Variants in CYP26C1 observed in about 807,000 individuals in gnomAD.
The protein encoded by CYP26C1 is cytochrome P450 family 26 subfamily C member 1.
A neutral mutation model predicts 39.1 loss-of-function variants in CYP26C1; 41 were observed. That is an observed-to-expected ratio of 1.05 (90% CI 0.82 to 1.36). CYP26C1 has a LOEUF of 1.36. Among genes scored for constraint, CYP26C1 ranks in the 40% most tolerant of loss-of-function variants. CYP26C1 has a pLI of 0.00. For synonymous variants in CYP26C1, 362 were observed against 350.8 expected, an observed-to-expected ratio of 1.03 and a Z score of -0.36; for missense variants, 833 against 752.0, an observed-to-expected ratio of 1.11 and a Z score of -1.26.
At position 93,061,447 on chromosome 10, in the gene CYP26C1, A is replaced by T. The variant is rs142943213; in HGVS notation, c.184A>T (p.Thr62Ser). The T allele has an allele frequency of 4.3e-4, 660 of 1,552,360 alleles. 4 individuals carry two copies. The African/African-American group carries it at 7.7e-3, about 18-fold the overall frequency. The change falls in exon 1 of 6, where the codon ACG becomes TCG. Residue 62 changes from threonine (T) to serine (S), a missense_variant. By Grantham distance (58) the Thr-to-Ser change is moderately conservative. Transcript: ENST00000651965. ...CATGGGGTGGCCCTTCTTCGGCGAAACGCTGCACTGGTTAGTTCAGGTGAG... is the reference window on the plus strand; with the variant it reads ...CATGGGGTGGCCCTTCTTCGGCGAATCGCTGCACTGGTTAGTTCAGGTGAG... ...GSMGWPFFGE[T>S]LHWLVQGSRF...
rs888470791 is a variant in CYP26C1 at position 93,064,382 on chromosome 10, G to T, written c.707G>T (p.Gly236Val). ...CTTTCTTCTCTCCCTGAACATCAGG[G>T]CATCCGGGCAAGGGACCAGCTGCAT... Reference protein sequence around the residue: ...LDVPFSGLRKGIRARDQLHRH... With the variant: ...LDVPFSGLRKVIRARDQLHRH... Residue 236 changes from glycine (G) to valine (V), a missense_variant and splice_region_variant, in exon 4 of 6, where the codon GGC (glycine) becomes GTC (valine). Coordinates refer to ENST00000651965, the MANE Select transcript of CYP26C1 (RefSeq NM_183374.3). The T allele has an allele frequency of 1.1e-5, 17 of 1,613,038 alleles. No homozygotes were observed. The highest frequency in any genetic ancestry group is 1.4e-5 in the Non-Finnish European group (17 of 1,179,446).
In CYP26C1 at chr10:93,068,402, CCGA is replaced by C. The variant is rs1846854888; in HGVS notation, c.1275_1277del (p.Glu426del). ...ACGGCTGCGGTGTACCGCAGCCCTCCCGAAGGCTTCGATCCAGAGCGCTTCGGC... is the reference window on the plus strand; with the variant it reads ...ACGGCTGCGGTGTACCGCAGCCCTCCAGGCTTCGATCCAGAGCGCTTCGGC... On this transcript the variant is annotated inframe_deletion, in exon 6 of 6. Transcript: ENST00000651965. The C allele has an allele frequency of 3.7e-6, 6 of 1,609,722 alleles. No homozygotes were observed. Among genetic ancestry groups the C allele is most frequent in the Non-Finnish European group, 5.1e-6 (6 of 1,178,638 alleles).
Position 93,061,243 on chromosome 10 carries a change from C to G in CYP26C1, c.-21C>G. The G allele has an allele frequency of 6.5e-7, 1 of 1,550,050 alleles. No homozygotes were observed. The highest frequency in any genetic ancestry group is 1.2e-5 in the South Asian group (1 of 84,488). ...CCTGCTCTCCCTGCGCTCTGAGCGG[C>G]CTGGCCCCCGCGGGCTCATCATGTT... On this transcript the variant is annotated 5_prime_UTR_variant, in exon 1 of 6. Transcript: ENST00000651965.
chr10:93,061,486 C>T lies in CYP26C1; in HGVS notation c.204+19C>T, dbSNP rs1846748437. Reference sequence around the variant, plus strand: ...AGTTCAGGTGAGCAGTCCTTCGACCCCGAGCGCTAATACGGTCCCTTCTTC... The same window carrying T: ...AGTTCAGGTGAGCAGTCCTTCGACCTCGAGCGCTAATACGGTCCCTTCTTC... On this transcript the variant is annotated intron_variant, in intron 1 of 5. Transcript: ENST00000651965. 2 of 1,548,704 alleles carry T rather than the reference C, an allele frequency of 1.3e-6. No individual in the cohort carries two copies. Among genetic ancestry groups the T allele is most frequent in the African/African-American group, 2.7e-5 (2 of 73,108 alleles).
chr10:93,066,331 G>GCCTGCCT (rs1054824581), intron 5 of CYP26C1, 46 bp downstream of exon 5: 11 of 294,604 alleles, frequency 3.7e-5, no homozygotes, highest in Middle Eastern at 9.9e-4. Flanking sequence ...GCCTCCTGCC[G>GCCTGCCT]CCTGCCGCCT....
intron 5 of CYP26C1, among the ~76,000 whole-genome samples, chr10:93,067,283 G>A (rs1280972643): frequency 6.6e-6 from 1 of 152,224 alleles, no homozygotes; most frequent in Non-Finnish European, 1.5e-5. Context: ...TCTAGTGCTG[G>A]ATGACACCAA....
At position 93,068,712 on chromosome 10, in the gene CYP26C1, A is replaced by G. The variant is rs370594774; in HGVS notation, c.*15A>G. 6.6e-7 allele frequency: 1 copy of G among 1,508,370 alleles called. No homozygotes were observed. Among genetic ancestry groups the G allele is most frequent in the Non-Finnish European group, 8.9e-7 (1 of 1,127,044 alleles). The allele number at this position is 1,508,370 out of a possible 1,614,324, so 93.4% of individuals were successfully genotyped here. ...TATGCCTCTGACATGCTTGCGCTCT[A>G]GGACACGGCTTGGCCGGTGGCTATG... On this transcript the variant is annotated 3_prime_UTR_variant, in exon 6 of 6. Coordinates refer to ENST00000651965, the MANE Select transcript of CYP26C1 (RefSeq NM_183374.3).
rs140445642 is a variant in CYP26C1, at chr10:93,067,785, G to A, written c.1192-535G>A. Among the ~76,000 whole-genome samples, 31 of 152,298 alleles carry A rather than the reference G, an allele frequency of 2.0e-4. No individual in the cohort carries two copies. The East Asian group carries it at 5.8e-3, about 28-fold the overall frequency. Reference sequence around the variant, plus strand: ...ATTCTCATGTGCGCCTTCTTAAAGTGTGGTACCAAATCTGAACATTATCGT... The same window carrying A: ...ATTCTCATGTGCGCCTTCTTAAAGTATGGTACCAAATCTGAACATTATCGT... On this transcript the variant is annotated intron_variant, in intron 5 of 5. Transcript: ENST00000651965.
At chr10:93,061,706 A>G (rs1419356482) in intron 1 of CYP26C1, among the ~76,000 whole-genome samples, 8 of 152,030 alleles carry the variant, frequency 5.3e-5, no homozygotes, top group Admixed American at 2.6e-4. Flanking sequence ...GGTAAACATA[A>G]GGGGTTTTAG....
In CYP26C1 at chr10:93,065,997, G is replaced by T. The variant is rs765199686; in HGVS notation, c.903G>T (p.Thr301=). 5 of 1,584,036 alleles carry T rather than the reference G, an allele frequency of 3.2e-6. No individual in the cohort carries two copies. The highest frequency in any genetic ancestry group is 4.3e-6 in the Non-Finnish European group (5 of 1,167,212). Residue 301 remains threonine (T), a synonymous_variant, in exon 5 of 6, where the codon ACG becomes ACT. Coordinates refer to ENST00000651965, the MANE Select transcript of CYP26C1 (RefSeq NM_183374.3). ...TCCTCTTCGCCGCCTTCTTCACCAC[G>T]GCCAGTGCCAGCACCTCGCTCGTCC... ...VELLFAAFFT[T]ASASTSLVLL... is the part of the protein sequence containing the mutation.
At chr10:93,063,127 G>C (rs1031552093) in intron 3 of CYP26C1, 132 bp downstream of exon 3, 2 of 1,422,846 alleles carry the variant, frequency 1.4e-6, no homozygotes, top group African/African-American at 3.0e-5. Flanking sequence ...CAGGGCCCGG[G>C]GGTGGGAGGC....
Position 93,068,481 on chromosome 10 carries a change from G to T in CYP26C1, c.1353G>T (p.Pro451=). ...CCTCCAGCCGCTTCCATTACATCCCGTTCGGCGGCGGTGCGCGCAGCTGCC... is the reference window on the plus strand; with the variant it reads ...CCTCCAGCCGCTTCCATTACATCCCTTTCGGCGGCGGTGCGCGCAGCTGCC... ...RGASSRFHYI[P]FGGGARSCLG... is the part of the protein sequence containing the mutation. The change falls in exon 6 of 6, where the codon CCG becomes CCT. Residue 451 remains proline (P), a synonymous_variant. Transcript: ENST00000651965. 6.2e-7 allele frequency: 1 copy of T among 1,609,748 alleles called. No homozygotes were observed. Among genetic ancestry groups the T allele is most frequent in the Non-Finnish European group, 8.5e-7 (1 of 1,178,442 alleles).
intron 3 of CYP26C1, chr10:93,063,272 G>T: frequency 1.7e-6 from 2 of 1,194,884 alleles, no homozygotes; most frequent in South Asian, 4.0e-5. Context: ...AGCGCGGGCC[G>T]CCAGAGTTTG....
Position 93,062,980 on chromosome 10 carries a change from C to A in CYP26C1, c.690C>A (p.Phe230Leu). ...TCTCACTGCCTCTGGACGTTCCCTTCAGTGGCCTACGCAAGGTACGGCCGC... is the reference window on the plus strand; with the variant it reads ...TCTCACTGCCTCTGGACGTTCCCTTAAGTGGCCTACGCAAGGTACGGCCGC... Reference protein sequence around the residue: ...NLFSLPLDVPFSGLRKGIRAR... With the variant: ...NLFSLPLDVPLSGLRKGIRAR... Residue 230 changes from phenylalanine (F) to leucine (L), a missense_variant, in exon 3 of 6, where the codon TTC becomes TTA. Phe to Leu is a conservative substitution (Grantham distance 22). Coordinates refer to ENST00000651965, the MANE Select transcript of CYP26C1 (RefSeq NM_183374.3). The A allele has an allele frequency of 6.3e-7, 1 of 1,584,486 alleles. No individual in the cohort carries two copies. Among genetic ancestry groups the A allele is most frequent in the Non-Finnish European group, 8.6e-7 (1 of 1,168,392 alleles).
chr10:93,062,824 G>T lies in CYP26C1; in HGVS notation c.534G>T (p.Pro178=). 1 of 1,571,810 alleles carries T rather than the reference G, an allele frequency of 6.4e-7. No individual in the cohort carries two copies. ...GCTCCTGGTGCGCGGCGGGCGGGCC[G>T]GTCTCAGTCTACGACGCCTCCAAAG... ...EVRSWCAAGG[P]VSVYDASKAL... is the part of the protein sequence containing the mutation. The change falls in exon 3 of 6, where the codon CCG becomes CCT. Residue 178 remains proline (P), a synonymous_variant. Coordinates refer to ENST00000651965, the MANE Select transcript of CYP26C1 (RefSeq NM_183374.3).
At position 93,068,497 on chromosome 10, in the gene CYP26C1, C is replaced by T. The variant is rs749254302; in HGVS notation, c.1369C>T (p.Arg457Cys). 7 of 1,607,698 alleles carry T rather than the reference C, an allele frequency of 4.4e-6. No homozygotes were observed. The South Asian group carries it at 7.7e-5, about 18-fold the overall frequency. ...FHYIPFGGGARSCLGQELAQA... is the reference protein window; with the variant it reads ...FHYIPFGGGACSCLGQELAQA... ...TTACATCCCGTTCGGCGGCGGTGCGCGCAGCTGCCTCGGCCAGGAGCTGGC... is the reference window on the plus strand; with the variant it reads ...TTACATCCCGTTCGGCGGCGGTGCGTGCAGCTGCCTCGGCCAGGAGCTGGC... Residue 457 changes from arginine to cysteine, a missense_variant, in exon 6 of 6, where the codon CGC (arginine) becomes TGC (cysteine). Transcript: ENST00000651965.
intron 5 of CYP26C1, among the ~76,000 whole-genome samples, chr10:93,066,868 G>C (rs189920667): frequency 3.9e-5 from 6 of 152,304 alleles, no homozygotes; most frequent in African/African-American, 1.4e-4. Flanking sequence ...TATGACCTTG[G>C]GCAGTTCCCT....
At chr10:93,061,549 C>T (rs1302745899) in intron 1 of CYP26C1, 82 bp downstream of exon 1, 8 of 1,491,684 alleles carry the variant, frequency 5.4e-6, no homozygotes, top group East Asian at 2.5e-5. Flanking sequence ...TCTCAATGCC[C>T]ATGGGATTTG....
In CYP26C1 at chr10:93,068,866, A is replaced by ACCTC; in HGVS notation, c.*169_*170insCCTC. ...TGTGTGCCGGACTCGAGGAAGGAGG[A>ACCTC]GGGCGAGCCACCGCTGCCGCGCCAG... On this transcript the variant is annotated 3_prime_UTR_variant, in exon 6 of 6. Transcript: ENST00000651965. 3 of 1,202,068 alleles carry ACCTC rather than the reference A, an allele frequency of 2.5e-6. No individual in the cohort carries two copies. The South Asian group carries it at 5.7e-5, about 23-fold the overall frequency. The allele number at this position is 1,202,068 out of a possible 1,614,324, so 74.5% of individuals were successfully genotyped here. A position where few individuals can be genotyped will look rare whatever the true frequency, so the allele number is the denominator to read the frequency against.
Sources: gnomAD v4.1 joint callset for allele counts (sites outside exome capture counted in the v4.1 genomes callset) on GRCh38, gnomAD v4.1.1 for gene constraint, MANE v1.5 for transcripts, NCBI Gene and HGNC (gene_info 2026-07-23, HGNC 2026-07-21) for gene names.